Variants in SPATA16 observed in about 807,000 individuals in gnomAD.
SPATA16 encodes the protein spermatogenesis-associated protein 16.
A neutral mutation model predicts 63.3 loss-of-function variants in SPATA16; 36 were observed. The observed-to-expected ratio is 0.57, with a 90% CI of 0.44 to 0.75. The LOEUF (loss-of-function observed/expected upper bound fraction) is 0.75, where lower values mean the gene tolerates loss of function less well. SPATA16 is among the 30% of genes least tolerant of loss of function. SPATA16 has a pLI of 0.00. For synonymous variants in SPATA16, 203 were observed against 216.7 expected (o/e 0.94, Z 0.56); for missense variants, 646 against 679.3 (o/e 0.95, Z 0.54).
At chr3:173,003,607 C>A (rs1216716056) in intron 4 of SPATA16, among the ~76,000 whole-genome samples, 1 of 152,140 alleles carries the variant, frequency 6.6e-6, no homozygotes, top group African/African-American at 2.4e-5. Context: ...AAGCATCTGA[C>A]AAAGTTTGGC....
At chr3:173,081,463 A>G (rs1253733057) in intron 2 of SPATA16, among the ~76,000 whole-genome samples, 1 of 152,228 alleles carries the variant, frequency 6.6e-6, no homozygotes, top group Non-Finnish European at 1.5e-5. Context: ...AGCTCCAGGC[A>G]ATGGTTGACC....
chr3:173,062,972 G>T (rs895276647), intron 2 of SPATA16, among the ~76,000 whole-genome samples: 1 of 152,162 alleles, frequency 6.6e-6, no homozygotes, highest in Non-Finnish European at 1.5e-5. Flanking sequence ...AGTAATGCTC[G>T]CTGGCCCCCC....
chr3:173,034,447 T>C (rs978113760), intron 3 of SPATA16, among the ~76,000 whole-genome samples: 2 of 152,182 alleles, frequency 1.3e-5, no homozygotes, highest in African/African-American at 2.4e-5. Context: ...CTATCAGGTA[T>C]TAAAATTACT....
intron 10 of SPATA16, among the ~76,000 whole-genome samples, chr3:172,907,778 A>G (rs1732275743): frequency 6.6e-6 from 1 of 151,938 alleles, no homozygotes; most frequent in African/African-American, 2.4e-5. Context: ...GGGTTTCACC[A>G]TGTTAGCCAG....
At chr3:172,976,290 GT>G in intron 5 of SPATA16, among the ~76,000 whole-genome samples, 1 of 152,048 alleles carries the variant, frequency 6.6e-6, no homozygotes, top group East Asian at 1.9e-4. Flanking sequence ...TTTTGTGGGG[GT>G]TAAGTGAGCT....
chr3:172,990,856 A>G (rs16846381), intron 4 of SPATA16, among the ~76,000 whole-genome samples: 4,327 of 152,250 alleles, frequency 0.028, 179 homozygotes, highest in African/African-American at 0.1. Flanking sequence ...GACCAGGGTG[A>G]CAGTCAAGTT....
chr3:172,893,453 T>G (rs989703988), intron 10 of SPATA16, among the ~76,000 whole-genome samples: 1 of 152,166 alleles, frequency 6.6e-6, no homozygotes, highest in Non-Finnish European at 1.5e-5. Context: ...TGCACAGCCC[T>G]CGGAGGGACC....
chr3:173,001,424 C>G (rs1341206854), intron 4 of SPATA16, among the ~76,000 whole-genome samples: 4 of 152,226 alleles, frequency 2.6e-5, no homozygotes, highest in Non-Finnish European at 5.9e-5. Context: ...TGTTAAAGAA[C>G]AGAATGCTGT....
chr3:173,098,848 A>G (rs1737421597), intron 2 of SPATA16, among the ~76,000 whole-genome samples: 1 of 152,190 alleles, frequency 6.6e-6, no homozygotes, highest in Non-Finnish European at 1.5e-5. Flanking sequence ...TATGATCACT[A>G]AAGGATTACA....
At chr3:173,024,202 C>A (rs554297017) in intron 3 of SPATA16, among the ~76,000 whole-genome samples, 1 of 151,434 alleles carries the variant, frequency 6.6e-6, no homozygotes, top group African/African-American at 2.4e-5. Flanking sequence ...AACTTAATAT[C>A]GCAATAATTT....
chr3:173,012,665 T>C (rs983472856), intron 4 of SPATA16, among the ~76,000 whole-genome samples: 1 of 151,926 alleles, frequency 6.6e-6, no homozygotes, highest in Admixed American at 6.6e-5. Flanking sequence ...TTAACAAAAA[T>C]AAGGAATGGG....
intron 1 of SPATA16, among the ~76,000 whole-genome samples, chr3:173,122,143 G>A (rs1207335440): frequency 6.6e-6 from 1 of 151,954 alleles, no homozygotes; most frequent in Non-Finnish European, 1.5e-5. Flanking sequence ...AAAATCGTTA[G>A]CAAATATTGA....
chr3:173,104,374 A>C (rs923908407), intron 2 of SPATA16, among the ~76,000 whole-genome samples: 1 of 152,186 alleles, frequency 6.6e-6, no homozygotes, highest in Non-Finnish European at 1.5e-5. Flanking sequence ...CCATTCTTGC[A>C]TTGCCATAAA....
At chr3:172,996,148 A>G (rs1225458646) in intron 4 of SPATA16, among the ~76,000 whole-genome samples, 1 of 152,114 alleles carries the variant, frequency 6.6e-6, no homozygotes, top group Non-Finnish European at 1.5e-5. Flanking sequence ...GATAAACTAC[A>G]CATTTTAGGC....
At chr3:172,906,473 T>G (rs1012002129) in intron 10 of SPATA16, among the ~76,000 whole-genome samples, 2 of 152,150 alleles carry the variant, frequency 1.3e-5, no homozygotes, top group African/African-American at 4.8e-5. Context: ...TGAAAGAACT[T>G]TATTTTGAGA....
chr3:172,994,308 G>A (rs181068930), intron 4 of SPATA16, among the ~76,000 whole-genome samples: 6 of 152,202 alleles, frequency 3.9e-5, no homozygotes, highest in Admixed American at 1.3e-4. Flanking sequence ...TCCACTAGTA[G>A]CTGTATAGGC....
At chr3:172,911,470 G>A (rs1380833139) in intron 10 of SPATA16, among the ~76,000 whole-genome samples, 2 of 152,048 alleles carry the variant, frequency 1.3e-5, no homozygotes, top group African/African-American at 4.8e-5. Flanking sequence ...TTCTTTAATG[G>A]TTTTCTTTGT....
At chr3:173,129,217 C>T (rs1277859012) in intron 1 of SPATA16, among the ~76,000 whole-genome samples, 3 of 152,122 alleles carry the variant, frequency 2.0e-5, no homozygotes, top group South Asian at 2.1e-4. Context: ...GAAATGTTAT[C>T]CATTTTTCTT....
chr3:172,925,318 C>G, intron 7 of SPATA16, 28 bp downstream of exon 7: 1 of 1,613,424 alleles, frequency 6.2e-7, no homozygotes, highest in Non-Finnish European at 8.5e-7. Context: ...CTACTATATG[C>G]TAGACCTTGT....
Sources: allele counts gnomAD v4.1 joint callset (sites outside exome capture counted in the v4.1 genomes callset), GRCh38; gene constraint gnomAD v4.1.1; transcripts MANE v1.5; gene names NCBI Gene and HGNC (gene_info 2026-07-23, HGNC 2026-07-21).